PAPPA: variants seen among roughly 807,000 people sequenced by gnomAD.
PAPPA encodes the protein pappalysin-1.
A neutral mutation model predicts 164.0 loss-of-function variants in PAPPA; 60 were observed. The ratio of observed to expected loss-of-function variants is 0.37; its 90% CI spans 0.30 to 0.45. The LOEUF is 0.45. PAPPA is among the 20% of genes least tolerant of loss of function. PAPPA has a pLI of 1.00. For missense variants in PAPPA, 1,782 were observed against 2,087.3 expected, an observed-to-expected ratio of 0.85 and a Z score of 2.85; for synonymous variants, 875 against 814.1, an observed-to-expected ratio of 1.07 and a Z score of -1.27.
At chr9:116,232,342 A>T (rs1314563217) in intron 6 of PAPPA, among the ~76,000 whole-genome samples, 1 of 152,216 alleles carries the variant, frequency 6.6e-6, no homozygotes, top group East Asian at 1.9e-4. Flanking sequence ...TTTCCAGGAC[A>T]GAGCTAATAT....
At chr9:116,331,035 T>C (rs1845984650) in intron 10 of PAPPA, among the ~76,000 whole-genome samples, 2 of 152,188 alleles carry the variant, frequency 1.3e-5, no homozygotes, top group African/African-American at 4.8e-5. Context: ...CATCAAAATA[T>C]GTTATCTATT....
At chr9:116,216,590 G>A (rs1395323550) in intron 4 of PAPPA, among the ~76,000 whole-genome samples, 2 of 152,132 alleles carry the variant, frequency 1.3e-5, no homozygotes, top group Non-Finnish European at 2.9e-5. Context: ...GCACTGGGGG[G>A]AAAGAAGCCA....
chr9:116,186,271 TATAG>T (rs1843969806), intron 1 of PAPPA, among the ~76,000 whole-genome samples: 1 of 150,886 alleles, frequency 6.6e-6, no homozygotes, highest in Non-Finnish European at 1.5e-5. Flanking sequence ...GATATATAGA[TATAG>T]ATATAGATAT....
At chr9:116,224,705 G>T (rs1031749484) in intron 5 of PAPPA, among the ~76,000 whole-genome samples, 2 of 152,160 alleles carry the variant, frequency 1.3e-5, no homozygotes, top group African/African-American at 4.8e-5. Context: ...TGTGACTGAA[G>T]AATCAAATTT....
intron 10 of PAPPA, among the ~76,000 whole-genome samples, chr9:116,313,082 CAAA>C (rs59596284): frequency 1.0e-4 from 7 of 68,454 alleles, no homozygotes; most frequent in Admixed American, 3.3e-4. Context: ...GACTCCATCT[CAAA>C]AAAAAAAAAA....
rs75378414 is a variant in PAPPA at position 116,199,969 on chromosome 9, A to G, written c.1479-7487A>G. 6.5e-3 allele frequency among the ~76,000 whole-genome samples: 984 copies of G among 152,230 alleles called. 32 individuals carry two copies. The East Asian group carries it at 0.11, about 16-fold the overall frequency. On this transcript the variant is annotated intron_variant, in intron 2 of 21. Coordinates refer to ENST00000328252, the MANE Select transcript of PAPPA (RefSeq NM_002581.5). ...AGAGTAAGAACTCACTACCATGAGA[A>G]TGACACCAAGCCATTCTTAAGGGAT...
At chr9:116,167,368 AT>A in intron 1 of PAPPA, among the ~76,000 whole-genome samples, 1 of 152,188 alleles carries the variant, frequency 6.6e-6, no homozygotes, top group Admixed American at 6.6e-5. Flanking sequence ...TTTTATTTGT[AT>A]TATTTTTATT....
chr9:116,236,014 A>G (rs536630943), intron 7 of PAPPA, among the ~76,000 whole-genome samples: 145 of 152,254 alleles, frequency 9.5e-4, no homozygotes, highest in African/African-American at 3.4e-3. Flanking sequence ...TTTTATATTA[A>G]ATTGAAGACA....
chr9:116,233,345 TG>T (rs1293952099), intron 6 of PAPPA, among the ~76,000 whole-genome samples: 1 of 152,182 alleles, frequency 6.6e-6, no homozygotes, highest in African/African-American at 2.4e-5. Flanking sequence ...GTTGACTGAA[TG>T]AATAAGTGAT....
chr9:116,356,381 C>T (rs1164217279), intron 17 of PAPPA, among the ~76,000 whole-genome samples: 1 of 152,212 alleles, frequency 6.6e-6, no homozygotes, highest in African/African-American at 2.4e-5. Context: ...TTGTGCAGTG[C>T]ACAACCTGTG....
chr9:116,334,783 G>C lies in PAPPA; in HGVS notation c.3398-78G>C. 1.9e-6 allele frequency: 2 copies of C among 1,071,128 alleles called. 1 individual carries two copies. Among genetic ancestry groups the C allele is most frequent in the Non-Finnish European group, 2.8e-6 (2 of 707,808 alleles). The allele number at this position is 1,071,128 out of a possible 1,614,324, so 66.4% of individuals were successfully genotyped here. ...GACATGAAAGGGTCTGGGGGCTTCG[G>C]GAAGGGCCCGTTGGGGAGGGCGTGA... On this transcript the variant is annotated intron_variant, in intron 12 of 21. Coordinates refer to ENST00000328252, the MANE Select transcript of PAPPA (RefSeq NM_002581.5).
chr9:116,232,075 C>A (rs1475542040), intron 6 of PAPPA, among the ~76,000 whole-genome samples: 1 of 152,006 alleles, frequency 6.6e-6, no homozygotes, highest in Non-Finnish European at 1.5e-5. Context: ...TTCTAAAAGG[C>A]GACCCTGATG....
intron 1 of PAPPA, among the ~76,000 whole-genome samples, chr9:116,155,534 T>G (rs930154389): frequency 1.3e-5 from 2 of 152,212 alleles, no homozygotes; most frequent in East Asian, 3.9e-4. Flanking sequence ...GGAGATTCCC[T>G]TTCTGCACAA....
intron 4 of PAPPA, among the ~76,000 whole-genome samples, chr9:116,219,628 G>A (rs1844417531): frequency 6.6e-6 from 1 of 152,132 alleles, no homozygotes; most frequent in Non-Finnish European, 1.5e-5. Flanking sequence ...GGGAAATAGG[G>A]GAAATAGCTC....
chr9:116,361,028 CATG>C (rs1846420085), intron 17 of PAPPA, among the ~76,000 whole-genome samples: 1 of 152,186 alleles, frequency 6.6e-6, no homozygotes, highest in African/African-American at 2.4e-5. Flanking sequence ...GAGCAGTGAG[CATG>C]AAAGCACAAC....
At chr9:116,183,857 C>T (rs1843936243) in intron 1 of PAPPA, among the ~76,000 whole-genome samples, 1 of 152,126 alleles carries the variant, frequency 6.6e-6, no homozygotes, top group Non-Finnish European at 1.5e-5. Context: ...CAACTGCAAA[C>T]AGAGGTGGCC....
At chr9:116,319,068 C>T (rs977275718) in intron 10 of PAPPA, among the ~76,000 whole-genome samples, 2 of 152,180 alleles carry the variant, frequency 1.3e-5, no homozygotes, top group African/African-American at 4.8e-5. Flanking sequence ...TTTTGGAGGA[C>T]TAGGTGGCTT....
At position 116,204,533 on chromosome 9, in the gene PAPPA, G is replaced by A. The variant is rs114707299; in HGVS notation, c.1479-2923G>A. ...GGGCCCAAGCAATCCTCCTGTCTCG[G>A]CCTCCGAAGTACTGGGACTACAGGC... On this transcript the variant is annotated intron_variant, in intron 2 of 21. Coordinates refer to ENST00000328252, the MANE Select transcript of PAPPA (RefSeq NM_002581.5). 7.6e-3 allele frequency among the ~76,000 whole-genome samples: 1,159 copies of A among 152,200 alleles called. 16 individuals carry two copies. Among genetic ancestry groups the A allele is most frequent in the African/African-American group, 0.027 (1,117 of 41,530 alleles).
At chr9:116,175,881 C>G (rs1231761603) in intron 1 of PAPPA, among the ~76,000 whole-genome samples, 2 of 152,124 alleles carry the variant, frequency 1.3e-5, no homozygotes, top group Admixed American at 1.3e-4. Flanking sequence ...AACTAAACAA[C>G]CAAAAACAGT....
Sources: gnomAD v4.1 joint callset for allele counts (sites outside exome capture counted in the v4.1 genomes callset) on GRCh38, gnomAD v4.1.1 for gene constraint, MANE v1.5 for transcripts, NCBI Gene and HGNC (gene_info 2026-07-23, HGNC 2026-07-21) for gene names.